Variants in GPAT4 observed in about 807,000 individuals in gnomAD.
GPAT4 encodes the protein 1-AGP acyltransferase 6.
In GPAT4, 17 loss-of-function variants were observed where a neutral mutation model predicts 58.0. The ratio of observed to expected loss-of-function variants is 0.29; its 90% CI spans 0.20 to 0.44. The LOEUF is 0.44. Ranked by LOEUF, GPAT4 falls within the 20% of genes least tolerant of loss-of-function variation. The pLI is 1.00. For synonymous variants in GPAT4, 204 were observed against 210.1 expected, an observed-to-expected ratio of 0.97 and a Z score of 0.25; for missense variants, 377 against 574.5, an observed-to-expected ratio of 0.66 and a Z score of 3.51.
chr8:41,587,514 T>G (rs1802686983), intron 1 of GPAT4, among the ~76,000 whole-genome samples: 1 of 152,212 alleles, frequency 6.6e-6, no homozygotes, highest in Admixed American at 6.5e-5. Context: ...ACTTTGCTCA[T>G]GCTTTAAAAT....
At chr8:41,596,064 G>A (rs191895374) in intron 1 of GPAT4, among the ~76,000 whole-genome samples, 289 of 152,202 alleles carry the variant, frequency 1.9e-3, no homozygotes, top group Non-Finnish European at 2.8e-3. Context: ...GATGGCCAAC[G>A]GCCACCTCTA....
At chr8:41,593,688 C>G (rs1802852313) in intron 1 of GPAT4, among the ~76,000 whole-genome samples, 1 of 152,176 alleles carries the variant, frequency 6.6e-6, no homozygotes, top group African/African-American at 2.4e-5. Flanking sequence ...CTCTAGTTTC[C>G]CTTCTTTTCA....
intron 4 of GPAT4, 73 bp downstream of exon 4, chr8:41,610,028 G>T: frequency 2.6e-6 from 4 of 1,526,396 alleles, no homozygotes; most frequent in South Asian, 2.6e-5. Context: ...TGCCTGCTCT[G>T]CTGTGTATTC....
At chr8:41,595,873 C>T (rs985628956) in intron 1 of GPAT4, among the ~76,000 whole-genome samples, 5 of 152,088 alleles carry the variant, frequency 3.3e-5, no homozygotes, top group Middle Eastern at 6.8e-3. Flanking sequence ...CTTTCCTTGC[C>T]TCTGCCAGCC....
At chr8:41,578,795 T>C (rs1000457131) in intron 1 of GPAT4, among the ~76,000 whole-genome samples, 8 of 152,246 alleles carry the variant, frequency 5.3e-5, no homozygotes, top group Non-Finnish European at 1.5e-5. Context: ...TTTCCTTTTT[T>C]ATTTCAGCAC....
intron 10 of GPAT4, among the ~76,000 whole-genome samples, chr8:41,617,490 T>C (rs1803629910): frequency 6.6e-6 from 1 of 152,248 alleles, no homozygotes; most frequent in South Asian, 2.1e-4. Context: ...ACATTAAGTC[T>C]TCTGTAGTTA....
At chr8:41,616,323 G>A (rs956559169) in intron 10 of GPAT4, among the ~76,000 whole-genome samples, 1 of 152,166 alleles carries the variant, frequency 6.6e-6, no homozygotes, top group African/African-American at 2.4e-5. Context: ...TTGAGGCAGG[G>A]TCTCAGTCTG....
chr8:41,618,405 G>A (rs1803654739), intron 10 of GPAT4: 1 of 483,700 alleles, frequency 2.1e-6, no homozygotes, highest in South Asian at 2.4e-5. Flanking sequence ...AGTAAGACCT[G>A]AAACTAATCA....
At position 41,621,794 on chromosome 8, in the gene GPAT4, A is replaced by G. The variant is rs1430385813; in HGVS notation, c.*793A>G. The G allele has an allele frequency of 6.6e-6, 1 of 152,272 alleles. No homozygotes were observed. The highest frequency in any genetic ancestry group is 2.4e-5 in the African/African-American group (1 of 41,452). 9.4% of individuals were successfully genotyped at this position (152,272 alleles called of 1,614,324 possible). A position where few individuals can be genotyped will look rare whatever the true frequency, so the allele number is the denominator to read the frequency against. On this transcript the variant is annotated 3_prime_UTR_variant, in exon 13 of 13. Coordinates refer to ENST00000396987, the MANE Select transcript of GPAT4 (RefSeq NM_178819.4). ...AGTGCTGCGGGTGAGTGAAGGACACATCACGTTCAGTGTTTCAAGTACAGG... is the reference window on the plus strand; with the variant it reads ...AGTGCTGCGGGTGAGTGAAGGACACGTCACGTTCAGTGTTTCAAGTACAGG...
At chr8:41,591,597 A>G (rs576148526) in intron 1 of GPAT4, among the ~76,000 whole-genome samples, 248 of 152,348 alleles carry the variant, frequency 1.6e-3, no homozygotes, top group Non-Finnish European at 2.8e-3. Flanking sequence ...TTATCATTTG[A>G]AGAAGTACAG....
chr8:41,601,953 GCCCA>G (rs1200752469), intron 2 of GPAT4, among the ~76,000 whole-genome samples: 8 of 151,972 alleles, frequency 5.3e-5, no homozygotes, highest in African/African-American at 1.7e-4. Flanking sequence ...GGCCACAGTG[GCCCA>G]AATGTATTTA....
intron 10 of GPAT4, 65 bp downstream of exon 10, chr8:41,615,113 G>A: frequency 1.4e-6 from 2 of 1,434,084 alleles, no homozygotes; most frequent in Non-Finnish European, 2.0e-6. Context: ...TGCAGCAGGA[G>A]GAGGTAGAGG....
intron 10 of GPAT4, 166 bp from the exon 11 acceptor site, chr8:41,618,518 C>A: frequency 1.2e-6 from 1 of 847,752 alleles, no homozygotes; most frequent in Non-Finnish European, 1.9e-6. Context: ...TGCTCACAGT[C>A]AGAACCGGCC....
At chr8:41,608,300 T>G (rs1005403406) in intron 2 of GPAT4, among the ~76,000 whole-genome samples, 35 of 152,230 alleles carry the variant, frequency 2.3e-4, no homozygotes, top group African/African-American at 8.2e-4. Context: ...ACCCGCACCA[T>G]GTGCCCTGGG....
intron 1 of GPAT4, among the ~76,000 whole-genome samples, chr8:41,584,435 T>G (rs552150117): frequency 6.6e-6 from 1 of 152,252 alleles, no homozygotes; most frequent in South Asian, 2.1e-4. Context: ...GGGGAATGGA[T>G]GAAGAAACGG....
At chr8:41,591,135 G>C (rs746980959) in intron 1 of GPAT4, among the ~76,000 whole-genome samples, 19 of 152,050 alleles carry the variant, frequency 1.2e-4, no homozygotes, top group African/African-American at 2.9e-4. Context: ...GGGCAAGCAG[G>C]GGGTACGTGA....
intron 1 of GPAT4, among the ~76,000 whole-genome samples, chr8:41,594,608 C>T (rs1025157524): frequency 6.8e-5 from 10 of 146,308 alleles, no homozygotes; most frequent in East Asian, 2.0e-4. Context: ...TGCAGTGGTC[C>T]GATCTCGGCT....
rs1803755341 is a variant in GPAT4 at position 41,621,650 on chromosome 8, C to T, written c.*649C>T. On this transcript the variant is annotated 3_prime_UTR_variant, in exon 13 of 13. Coordinates refer to ENST00000396987, the MANE Select transcript of GPAT4 (RefSeq NM_178819.4). ...AACGTGTGTTCGTACTCCAGGCTAA[C>T]CCTGAACTCCCCATGTGATGCGCGC... 2 of 152,484 alleles carry T rather than the reference C, an allele frequency of 1.3e-5. No homozygotes were observed. Among genetic ancestry groups the T allele is most frequent in the Non-Finnish European group, 2.9e-5 (2 of 68,248 alleles). 9.4% of individuals were successfully genotyped at this position (152,484 alleles called of 1,614,324 possible).
chr8:41,595,927 G>A (rs931072136), intron 1 of GPAT4, among the ~76,000 whole-genome samples: 6 of 151,882 alleles, frequency 4.0e-5, no homozygotes, highest in Admixed American at 1.3e-4. Flanking sequence ...GGGCAGGGGT[G>A]GGGGGGTGTG....
Sources: gnomAD v4.1 joint callset for allele counts (sites outside exome capture counted in the v4.1 genomes callset) on GRCh38, gnomAD v4.1.1 for gene constraint, MANE v1.5 for transcripts, NCBI Gene and HGNC (gene_info 2026-07-23, HGNC 2026-07-21) for gene names.